LYST: variants seen among roughly 807,000 people sequenced by gnomAD.
The protein encoded by LYST is lysosomal-trafficking regulator.
A neutral mutation model predicts 413.6 loss-of-function variants in LYST; 192 were observed. The ratio of observed to expected loss-of-function variants is 0.46; its 90% CI spans 0.41 to 0.52. The LOEUF is 0.52. LYST is among the 20% of genes least tolerant of loss of function. The pLI is 0.00. For missense variants in LYST, 3,815 were observed against 4,499.9 expected, an observed-to-expected ratio of 0.85 and a Z score of 4.35; for synonymous variants, 1,525 against 1,567.3, an observed-to-expected ratio of 0.97 and a Z score of 0.64.
At chr1:235,813,496 G>A (rs910615851) in intron 3 of LYST, among the ~76,000 whole-genome samples, 6 of 152,118 alleles carry the variant, frequency 3.9e-5, no homozygotes, top group African/African-American at 1.2e-4. Flanking sequence ...AAGAGAAATT[G>A]ACATTATTAA....
chr1:235,719,597 A>G (rs1482284907), intron 40 of LYST, among the ~76,000 whole-genome samples: 1 of 150,648 alleles, frequency 6.6e-6, no homozygotes, highest in East Asian at 2.0e-4. Context: ...ATACAATATA[A>G]AGCTCACTCC....
intron 31 of LYST, 25 bp downstream of exon 31, chr1:235,741,397 C>G: frequency 1.9e-6 from 3 of 1,567,770 alleles, no homozygotes; most frequent in Non-Finnish European, 2.6e-6. Context: ...CGTTTTACTT[C>G]TCTTATCAAA....
At chr1:235,788,649 C>A in intron 13 of LYST, 52 bp downstream of exon 13, 2 of 1,555,782 alleles carry the variant, frequency 1.3e-6, no homozygotes, top group Non-Finnish European at 1.8e-6. Flanking sequence ...GTCTCTTACA[C>A]AAATTATTTA....
chr1:235,774,117 A>C, intron 18 of LYST, 126 bp from the exon 19 acceptor site: 1 of 694,878 alleles, frequency 1.4e-6, no homozygotes, highest in South Asian at 1.7e-5. Flanking sequence ...ATAATTTAAC[A>C]CTTCACAAAG....
At chr1:235,816,059 G>A (rs1246733441) in intron 3 of LYST, among the ~76,000 whole-genome samples, 1 of 143,544 alleles carries the variant, frequency 7.0e-6, no homozygotes. Flanking sequence ...GAACCCGGGA[G>A]GAGGAAGATG....
At chr1:235,824,838 G>A (rs1376146988) in intron 3 of LYST, among the ~76,000 whole-genome samples, 1 of 152,038 alleles carries the variant, frequency 6.6e-6, no homozygotes, top group African/African-American at 2.4e-5. Context: ...TGGCCAAGAT[G>A]GTGAAACCCC....
chr1:235,799,370 A>C (rs180923219), intron 10 of LYST, among the ~76,000 whole-genome samples: 2 of 152,186 alleles, frequency 1.3e-5, no homozygotes, highest in Non-Finnish European at 2.9e-5. Flanking sequence ...ATTAATTATA[A>C]AGGGAAAATA....
chr1:235,809,971 C>G lies in LYST; in HGVS notation c.847G>C (p.Ala283Pro), dbSNP rs911584435. The G allele has an allele frequency of 1.2e-6, 2 of 1,613,844 alleles. No homozygotes were observed. Among genetic ancestry groups the G allele is most frequent in the Non-Finnish European group, 1.7e-6 (2 of 1,179,898 alleles). The change falls in exon 5 of 53, where the codon GCC (alanine) becomes CCC (proline). Residue 283 changes from alanine (A) to proline (P), a missense_variant. Physicochemically the swap from Ala to Pro is conservative, Grantham distance 27. Transcript: ENST00000389793. This position sits in a 1 kb window ranked among gnomAD's most constrained non-coding sequence, Gnocchi z 4.0. ...VTLNHNSPLA[A>P]SVVPTLTEFL... Reference sequence around the variant, plus strand: ...TCAGTTAGTGTGGGCACTACACTGGCTGCTAAAGGAGAATTATGATTCAAG... The same window carrying G: ...TCAGTTAGTGTGGGCACTACACTGGGTGCTAAAGGAGAATTATGATTCAAG...
chr1:235,809,707 G>C lies in LYST; in HGVS notation c.1111C>G (p.Pro371Ala), dbSNP rs771833094. 5 of 1,613,490 alleles carry C rather than the reference G, an allele frequency of 3.1e-6. No individual in the cohort carries two copies. The highest frequency in any genetic ancestry group is 2.2e-5 in the South Asian group (2 of 91,046). ...TTTTGTCTTGGTGCAAAAGGGTCAGGCTGCTTTTCTAGGCATATTCTAATT... is the reference window on the plus strand; with the variant it reads ...TTTTGTCTTGGTGCAAAAGGGTCAGCCTGCTTTTCTAGGCATATTCTAATT... ...LKIRICLEKQ[P>A]DPFAPRQKKT... Residue 371 changes from proline (P) to alanine (A), a missense_variant, in exon 5 of 53, where the codon CCT (proline) becomes GCT (alanine). Around this residue, in one of 4 missense-constraint regions of LYST, gnomAD observed 1,648 missense variants for 1,810.3 expected, o/e 0.91. Transcript: ENST00000389793. The surrounding 1 kb of genome is among the most constrained non-coding windows in gnomAD (Gnocchi z 4.0).
chr1:235,685,822 G>T (rs1660171601), intron 48 of LYST, among the ~76,000 whole-genome samples: 1 of 151,128 alleles, frequency 6.6e-6, no homozygotes, highest in Non-Finnish European at 1.5e-5. Flanking sequence ...CTCTGGCCTG[G>T]GCGACAGAGT....
At chr1:235,808,417 C>T (rs375118833) in intron 5 of LYST, 38 bp downstream of exon 5, 2 of 1,598,960 alleles carry the variant, frequency 1.3e-6, no homozygotes, top group Non-Finnish European at 1.7e-6. Context: ...ACATGCTCAA[C>T]AACCCCCGCC....
At position 235,733,524 on chromosome 1, in the gene LYST, A is replaced by G. The variant is rs774425341; in HGVS notation, c.8780T>C (p.Ile2927Thr). 2 of 1,614,032 alleles carry G rather than the reference A, an allele frequency of 1.2e-6. No individual in the cohort carries two copies. Among genetic ancestry groups the G allele is most frequent in the Admixed American group, 1.7e-5 (1 of 60,018 alleles). The change falls in exon 34 of 53, where the codon ATT becomes ACT. Residue 2927 changes from isoleucine to threonine, a missense_variant. By Grantham distance (89) the Ile-to-Thr change is moderately conservative. Transcript: ENST00000389793. ...LSASRHWQELIQQLTHDRAVW... is the reference protein window; with the variant it reads ...LSASRHWQELTQQLTHDRAVW... Reference sequence around the variant, plus strand: ...TTACCTATCATGTGTCAGCTGCTGAATAAGTTCCTGCCAATGTCTGCTGGC... The same window carrying G: ...TTACCTATCATGTGTCAGCTGCTGAGTAAGTTCCTGCCAATGTCTGCTGGC...
intron 38 of LYST, among the ~76,000 whole-genome samples, chr1:235,724,525 C>G (rs1170401943): frequency 6.6e-6 from 1 of 152,092 alleles, no homozygotes; most frequent in Non-Finnish European, 1.5e-5. Context: ...AATTGATGAA[C>G]CAATATTGCT....
At chr1:235,785,963 G>A (rs1043530134) in intron 14 of LYST, among the ~76,000 whole-genome samples, 1 of 152,084 alleles carries the variant, frequency 6.6e-6, no homozygotes, top group African/African-American at 2.4e-5. Flanking sequence ...TCTATCACTT[G>A]GTATATTTCT....
chr1:235,665,845 T>G (rs1314885585), intron 50 of LYST, among the ~76,000 whole-genome samples: 1 of 152,128 alleles, frequency 6.6e-6, no homozygotes, highest in Admixed American at 6.5e-5. Flanking sequence ...CATAATTGCC[T>G]GCCATGCTTT....
At chr1:235,798,277 T>A (rs1456542897) in intron 10 of LYST, among the ~76,000 whole-genome samples, 1 of 152,080 alleles carries the variant, frequency 6.6e-6, no homozygotes, top group African/African-American at 2.4e-5. Flanking sequence ...AGTAAAAATT[T>A]AAGAAATCTG....
intron 24 of LYST, among the ~76,000 whole-genome samples, chr1:235,756,538 A>G (rs1667066623): frequency 6.6e-6 from 1 of 152,276 alleles, no homozygotes; most frequent in South Asian, 2.1e-4. Context: ...ACTAGGTTGT[A>G]TTGCAAGTGA....
chr1:235,726,739 AC>A (rs1433278018), intron 38 of LYST, among the ~76,000 whole-genome samples: 1 of 152,206 alleles, frequency 6.6e-6, no homozygotes, highest in Non-Finnish European at 1.5e-5. Context: ...GTCTTCCCAG[AC>A]CAAGTATTTG....
At chr1:235,693,237 A>G in intron 47 of LYST, 113 bp downstream of exon 47, 1 of 437,050 alleles carries the variant, frequency 2.3e-6, no homozygotes, top group Non-Finnish European at 3.4e-6. Context: ...GAATGGCGTG[A>G]GCCGGGAGGT....
Sources: allele counts gnomAD v4.1 joint callset (sites outside exome capture counted in the v4.1 genomes callset), GRCh38; gene constraint gnomAD v4.1.1; regional missense constraint gnomAD v4.1.1; non-coding constraint Gnocchi (gnomAD v3.1); transcripts MANE v1.5; gene names NCBI Gene and HGNC (gene_info 2026-07-23, HGNC 2026-07-21).